The following MICAL3 variants were observed in gnomAD, a reference collection of about 807,000 sequenced individuals.
The protein encoded by MICAL3 is microtubule associated monooxygenase, calponin and LIM domain containing 3, also known as [F-actin]-monooxygenase MICAL3.
MICAL3 carries 62 observed loss-of-function variants against 207.4 expected under a neutral mutation model. That is an observed-to-expected ratio of 0.30 (90% CI 0.24 to 0.37). MICAL3 has a LOEUF of 0.37. Among genes scored for constraint, MICAL3 ranks in the 10% least tolerant of loss-of-function variants. The pLI is 1.00. For missense variants in MICAL3, 2,368 were observed against 2,635.6 expected, an observed-to-expected ratio of 0.90 and a Z score of 2.22; for synonymous variants, 1,077 against 1,069.3, an observed-to-expected ratio of 1.01 and a Z score of -0.14.
intron 17 of MICAL3, among the ~76,000 whole-genome samples, chr22:17,866,463 G>A (rs1927125224): frequency 6.6e-6 from 1 of 152,190 alleles, no homozygotes; most frequent in Admixed American, 6.5e-5. Context: ...GCTCTGACAG[G>A]CCCATCTCTG....
chr22:17,962,350 G>A (rs192431008), intron 1 of MICAL3, among the ~76,000 whole-genome samples: 8 of 152,362 alleles, frequency 5.3e-5, no homozygotes, highest in Non-Finnish European at 7.3e-5. Context: ...CAGTGCCACC[G>A]GAGGCACGCA....
At chr22:17,921,409 T>A (rs1399306458) in intron 1 of MICAL3, among the ~76,000 whole-genome samples, 1 of 152,222 alleles carries the variant, frequency 6.6e-6, no homozygotes, top group Non-Finnish European at 1.5e-5. Flanking sequence ...AATGTATCTC[T>A]TAAAATGACT....
chr22:17,864,868 G>A (rs563150897), intron 19 of MICAL3, 31 bp downstream of exon 19: 104 of 1,613,870 alleles, frequency 6.4e-5, no homozygotes, highest in South Asian at 2.5e-4. Context: ...GGAGTGACGC[G>A]CCACCCAGCC....
Position 18,015,298 on chromosome 22 carries a change from A to AT in MICAL3, c.-75+8982dup, listed in dbSNP as rs138023140. 9.1e-3 allele frequency among the ~76,000 whole-genome samples: 1,374 copies of AT among 151,722 alleles called. 22 individuals are homozygous for AT. The highest frequency in any genetic ancestry group is 0.032 in the African/African-American group (1,316 of 41,294). Reference sequence around the variant, plus strand: ...TTTGTAATATATCATAATTTCTGAGATTTCTCTTTTCTTCTACATTCATTT... The same window carrying AT: ...TTTGTAATATATCATAATTTCTGAGATTTTCTCTTTTCTTCTACATTCATTT... On this transcript the variant is annotated intron_variant, in intron 1 of 31. Transcript: ENST00000441493.
rs183916213 is a variant in MICAL3, at chr22:18,011,860, C to G, written c.-75+12421G>C. 2.1e-3 allele frequency among the ~76,000 whole-genome samples: 314 copies of G among 151,054 alleles called. 1 individual carries two copies. The highest frequency in any genetic ancestry group is 7.1e-3 in the African/African-American group (294 of 41,300). On this transcript the variant is annotated intron_variant, in intron 1 of 31. Transcript: ENST00000441493. ...TGAGCCGAGATCGCACCACTGCACT[C>G]CAGCCTGGGCGACGGAGCGAGACTC...
rs144772216 is a variant in MICAL3, at chr22:17,886,466, A to G, written c.2068-415T>C. Among the ~76,000 whole-genome samples the G allele has an allele frequency of 4.6e-3, 707 of 152,308 alleles. 3 individuals are homozygous for G. The highest frequency in any genetic ancestry group is 0.044 in the Middle Eastern group (13 of 294). On this transcript the variant is annotated intron_variant, in intron 15 of 31. Coordinates refer to ENST00000441493, the MANE Select transcript of MICAL3 (RefSeq NM_015241.3). Reference sequence around the variant, plus strand: ...TGGATCACTTGAGGCCAGGAGTTTGAGACCAGCCTGGACAACACGGTAAAA... The same window carrying G: ...TGGATCACTTGAGGCCAGGAGTTTGGGACCAGCCTGGACAACACGGTAAAA...
At chr22:17,944,955 A>T (rs1271521633) in intron 1 of MICAL3, among the ~76,000 whole-genome samples, 1 of 151,756 alleles carries the variant, frequency 6.6e-6, no homozygotes, top group African/African-American at 2.4e-5. Flanking sequence ...GAAATAATAA[A>T]TATACTATCA....
chr22:17,930,812 G>A (rs1933212793), intron 1 of MICAL3, among the ~76,000 whole-genome samples: 1 of 152,246 alleles, frequency 6.6e-6, no homozygotes, highest in South Asian at 2.1e-4. Context: ...ATGAGGTGAA[G>A]GGCAGAGACA....
intron 1 of MICAL3, among the ~76,000 whole-genome samples, chr22:17,933,444 C>A (rs1376280951): frequency 1.3e-5 from 2 of 152,110 alleles, no homozygotes; most frequent in African/African-American, 4.8e-5. Flanking sequence ...ACACAAGGTA[C>A]CAGAATCTCT....
chr22:17,948,852 G>A (rs1602271717), intron 1 of MICAL3, among the ~76,000 whole-genome samples: 1 of 147,168 alleles, frequency 6.8e-6, no homozygotes, highest in East Asian at 2.0e-4. Flanking sequence ...GGTGGCAGTT[G>A]TAGTGAGCCA....
intron 12 of MICAL3, 48 bp downstream of exon 12, chr22:17,891,437 G>A (rs1930387605): frequency 6.3e-7 from 1 of 1,579,860 alleles, no homozygotes; most frequent in African/African-American, 1.3e-5. Flanking sequence ...AGAGTGGTCT[G>A]AGATCCTTGA....
At chr22:17,958,507 T>C (rs568977361) in intron 1 of MICAL3, among the ~76,000 whole-genome samples, 2 of 152,156 alleles carry the variant, frequency 1.3e-5, no homozygotes, top group African/African-American at 4.8e-5. Flanking sequence ...TCATCCCCCG[T>C]TAAAGCTAGA....
chr22:17,872,609 A>G, intron 16 of MICAL3: 1 of 636,662 alleles, frequency 1.6e-6, no homozygotes, highest in Non-Finnish European at 2.8e-6. Flanking sequence ...GAATTTGGTT[A>G]TCAAAACCCA....
At chr22:17,949,080 T>C (rs442494) in intron 1 of MICAL3, among the ~76,000 whole-genome samples, 41,168 of 150,364 alleles carry the variant, frequency 0.27, 5,841 homozygotes, top group East Asian at 0.51. Context: ...CATGGTGGCA[T>C]GTGCCTGTAG....
chr22:17,791,264 C>A lies in MICAL3; in HGVS notation c.5688G>T (p.Glu1896Asp), dbSNP rs752037806. The change falls in exon 30 of 32, where the codon GAG (glutamate) becomes GAT (aspartate). Residue 1896 changes from glutamate to aspartate, a missense_variant. Glu to Asp is a conservative substitution (Grantham distance 45). Transcript: ENST00000441493. Reference protein sequence around the residue: ...GKKDDPKLMQEWFKLVQEKNA... With the variant: ...GKKDDPKLMQDWFKLVQEKNA... ...TCTTCTCCTGCACTAGCTTGAACCA[C>A]TCCTGCATCAGCTTGGGGTCGTCCT... 6.2e-7 allele frequency: 1 copy of A among 1,613,908 alleles called. No homozygotes were observed. The highest frequency in any genetic ancestry group is 8.5e-7 in the Non-Finnish European group (1 of 1,179,870).
intron 1 of MICAL3, among the ~76,000 whole-genome samples, chr22:17,972,959 C>T (rs992743794): frequency 1.3e-5 from 2 of 152,368 alleles, no homozygotes; most frequent in South Asian, 2.1e-4. Context: ...GGCCCCTGCA[C>T]GTCAGGCATG....
chr22:17,921,730 C>T (rs986801958), intron 1 of MICAL3, among the ~76,000 whole-genome samples: 1 of 152,096 alleles, frequency 6.6e-6, no homozygotes, highest in Non-Finnish European at 1.5e-5. Context: ...CTCAAGTGAT[C>T]CACCCACCTC....
chr22:17,957,584 G>A lies in MICAL3; in HGVS notation c.-74-50698C>T, dbSNP rs770827381. ...ACATTAGCTGGGCATGGTCGCGTGCGCCTGTAATCCCAGCTACTCAGGAGG... is the reference window on the plus strand; with the variant it reads ...ACATTAGCTGGGCATGGTCGCGTGCACCTGTAATCCCAGCTACTCAGGAGG... On this transcript the variant is annotated intron_variant, in intron 1 of 31. Coordinates refer to ENST00000441493, the MANE Select transcript of MICAL3 (RefSeq NM_015241.3). Among the ~76,000 whole-genome samples, 14 of 152,006 alleles carry A rather than the reference G, an allele frequency of 9.2e-5. 1 individual carries two copies. The highest frequency in any genetic ancestry group is 8.3e-4 in the South Asian group (4 of 4,816).
At chr22:17,961,149 G>A (rs1012776850) in intron 1 of MICAL3, among the ~76,000 whole-genome samples, 3 of 152,162 alleles carry the variant, frequency 2.0e-5, no homozygotes, top group Admixed American at 6.5e-5. Flanking sequence ...ATGGCTGGCG[G>A]TGGCCTGGCC....
Sources: allele counts gnomAD v4.1 joint callset (sites outside exome capture counted in the v4.1 genomes callset), GRCh38; gene constraint gnomAD v4.1.1; transcripts MANE v1.5; gene names NCBI Gene and HGNC (gene_info 2026-07-23, HGNC 2026-07-21).